The following CACNB2 variants were observed in gnomAD, a reference collection of about 807,000 sequenced individuals.
CACNB2 encodes the protein calcium voltage-gated channel auxiliary subunit beta 2.
Under a neutral mutation model 73.3 loss-of-function variants are expected in CACNB2, and 42 were observed. That is an observed-to-expected ratio of 0.57 (90% CI 0.45 to 0.74). CACNB2 has a LOEUF of 0.74. CACNB2 is among the 30% of genes least tolerant of loss of function. The pLI is 0.00. For missense variants in CACNB2, 940 were observed against 853.0 expected, an observed-to-expected ratio of 1.10 and a Z score of -1.27; for synonymous variants, 348 against 310.3, an observed-to-expected ratio of 1.12 and a Z score of -1.28.
At chr10:18,307,634 A>G (rs1173569344) in intron 2 of CACNB2, among the ~76,000 whole-genome samples, 1 of 152,234 alleles carries the variant, frequency 6.6e-6, no homozygotes, top group Non-Finnish European at 1.5e-5. Context: ...GACATGTCCA[A>G]TAAATATTTG....
chr10:18,184,487 A>G (rs1437803615), intron 2 of CACNB2, among the ~76,000 whole-genome samples: 1 of 152,150 alleles, frequency 6.6e-6, no homozygotes, highest in African/African-American at 2.4e-5. Flanking sequence ...TTAATGAACT[A>G]ATACTGATAT....
At position 18,401,884 on chromosome 10, in the gene CACNB2, T is replaced by C. The variant is rs1184613818; in HGVS notation, c.214-40T>C. On this transcript the variant is annotated intron_variant, in intron 2 of 13. Transcript: ENST00000324631. ...TGAGACTTTTCCAATGCAAACATCA[T>C]AGACTGAATCTACTTTAAAATGTAC... 10 of 1,609,954 alleles carry C rather than the reference T, an allele frequency of 6.2e-6. 1 individual carries two copies. The South Asian group carries it at 7.7e-5, about 12-fold the overall frequency.
intron 3 of CACNB2, among the ~76,000 whole-genome samples, chr10:18,492,633 A>AAG (rs1008672422): frequency 7.7e-6 from 1 of 130,398 alleles, no homozygotes; most frequent in African/African-American, 3.9e-5. Flanking sequence ...AAAAAAAAAA[A>AAG]AAAAAGAAAA....
chr10:18,152,037 C>T lies in CACNB2; in HGVS notation c.213+1062C>T, dbSNP rs1386008301. Among the ~76,000 whole-genome samples, 4 of 152,166 alleles carry T rather than the reference C, an allele frequency of 2.6e-5. No homozygotes were observed. In the East Asian group the frequency reaches 7.7e-4, roughly 29 times the overall value. On this transcript the variant is annotated intron_variant, in intron 2 of 13. Transcript: ENST00000324631. ...ATTGGGGACAGTTACATTTCCCTAG[C>T]TGTCTACCCTTATTGGCTCCTTGTG...
chr10:18,275,205 A>G (rs958293569), intron 2 of CACNB2, among the ~76,000 whole-genome samples: 8 of 152,048 alleles, frequency 5.3e-5, no homozygotes, highest in African/African-American at 1.9e-4. Flanking sequence ...TCCTACAGAT[A>G]CCCCTGTGAT....
chr10:18,361,550 A>G (rs1489823337), intron 2 of CACNB2, among the ~76,000 whole-genome samples: 2 of 150,706 alleles, frequency 1.3e-5, no homozygotes, highest in African/African-American at 2.4e-5. Flanking sequence ...TATAAGTCCA[A>G]TTGCTTATCA....
At chr10:18,504,639 T>TTGTGTGTGTGTGTG (rs113483548) in intron 5 of CACNB2, among the ~76,000 whole-genome samples, 7,696 of 151,718 alleles carry the variant, frequency 0.051, 295 homozygotes, top group Non-Finnish European at 0.074. Flanking sequence ...TTCTCTCCTT[T>TTGTGTGTGTGTGTG]TGTGTGTGTG....
intron 2 of CACNB2, among the ~76,000 whole-genome samples, chr10:18,185,742 T>C (rs373747405): frequency 2.0e-5 from 3 of 152,210 alleles, no homozygotes; most frequent in African/African-American, 7.2e-5. Context: ...TGCGTAGCTT[T>C]CTTTGCATAC....
At chr10:18,495,723 A>AT (rs1239887471) in intron 3 of CACNB2, among the ~76,000 whole-genome samples, 4 of 152,004 alleles carry the variant, frequency 2.6e-5, no homozygotes, top group African/African-American at 7.2e-5. Flanking sequence ...CTTTTAAAAA[A>AT]ATATATATTT....
chr10:18,410,744 G>T (rs980625892), intron 3 of CACNB2, among the ~76,000 whole-genome samples: 2 of 152,156 alleles, frequency 1.3e-5, no homozygotes, highest in Non-Finnish European at 2.9e-5. Flanking sequence ...CACTTTGGGA[G>T]GCCAAGGCAG....
At chr10:18,296,727 T>C (rs1367030489) in intron 2 of CACNB2, among the ~76,000 whole-genome samples, 1 of 152,196 alleles carries the variant, frequency 6.6e-6, no homozygotes, top group African/African-American at 2.4e-5. Context: ...AGTTCCTATC[T>C]CAAAACTGGC....
At chr10:18,526,539 TC>T (rs2052487285) in intron 9 of CACNB2, among the ~76,000 whole-genome samples, 2 of 152,240 alleles carry the variant, frequency 1.3e-5, no homozygotes, top group Non-Finnish European at 2.9e-5. Flanking sequence ...TTCTCTACCT[TC>T]TTTAGAAATA....
intron 2 of CACNB2, among the ~76,000 whole-genome samples, chr10:18,300,535 C>T (rs2039466124): frequency 1.3e-5 from 2 of 152,218 alleles, no homozygotes; most frequent in Non-Finnish European, 2.9e-5. Context: ...CTAACAGAAC[C>T]TATTACAGCA....
At chr10:18,515,418 A>C (rs1273922664) in intron 7 of CACNB2, among the ~76,000 whole-genome samples, 1 of 152,132 alleles carries the variant, frequency 6.6e-6, no homozygotes, top group Admixed American at 6.6e-5. Context: ...AAAACCATGG[A>C]TATATTCTCA....
intron 3 of CACNB2, among the ~76,000 whole-genome samples, chr10:18,471,291 A>G (rs1021850828): frequency 6.6e-6 from 1 of 152,138 alleles, no homozygotes; most frequent in Admixed American, 6.6e-5. Context: ...GGGCAACAAG[A>G]GTGAAACTCC....
chr10:18,242,315 C>A (rs987105068), intron 2 of CACNB2, among the ~76,000 whole-genome samples: 2 of 152,160 alleles, frequency 1.3e-5, no homozygotes, highest in South Asian at 4.2e-4. Context: ...TAGGCCCACA[C>A]CTTGTGTCAA....
intron 2 of CACNB2, chr10:18,340,811 A>G: frequency 6.2e-7 from 1 of 1,605,598 alleles, no homozygotes; most frequent in Non-Finnish European, 8.5e-7. Flanking sequence ...AAAGGAAAGC[A>G]GTTGCTATGC....
intron 2 of CACNB2, among the ~76,000 whole-genome samples, chr10:18,334,313 G>A (rs2040917785): frequency 6.6e-6 from 1 of 152,112 alleles, no homozygotes; most frequent in Non-Finnish European, 1.5e-5. Flanking sequence ...AGTGGCGTCT[G>A]TGCGCTTCTC....
chr10:18,514,618 C>G, intron 7 of CACNB2: 1 of 1,472,712 alleles, frequency 6.8e-7, no homozygotes, highest in Non-Finnish European at 9.5e-7. Flanking sequence ...ACAATCATTT[C>G]TGTCCCAAGC....
Sources: allele counts gnomAD v4.1 joint callset (sites outside exome capture counted in the v4.1 genomes callset), GRCh38; gene constraint gnomAD v4.1.1; transcripts MANE v1.5; gene names NCBI Gene and HGNC (gene_info 2026-07-23, HGNC 2026-07-21).